MRTFB: variants seen among roughly 807,000 people sequenced by gnomAD.
MRTFB encodes myocardin related transcription factor B.
In MRTFB, 29 loss-of-function variants were observed where a neutral mutation model predicts 104.2. That is an observed-to-expected ratio of 0.28 (90% CI 0.21 to 0.38). The LOEUF (loss-of-function observed/expected upper bound fraction) is 0.38. Ranked by LOEUF, MRTFB falls within the 10% of genes least tolerant of loss-of-function variation. The probability of loss-of-function intolerance (pLI) is 1.00; values close to 1 mark genes in which losing one functional copy is unlikely to be tolerated. For synonymous variants in MRTFB, 535 were observed against 519.5 expected (o/e 1.03, Z -0.41); for missense variants, 1,270 against 1,341.6 (o/e 0.95, Z 0.83).
At chr16:14,172,018 A>C (rs1224390766) in intron 3 of MRTFB, among the ~76,000 whole-genome samples, 1 of 152,174 alleles carries the variant, frequency 6.6e-6, no homozygotes. Context: ...GTTGTCTTCT[A>C]TCCTAGCTAA....
Position 14,253,114 on chromosome 16 carries a change from A to G in MRTFB, c.2703+612A>G, listed in dbSNP as rs117580930. Reference sequence around the variant, plus strand: ...GACTGATAAAACAGAAGTAGCCCCAACCATACCAAGCAATGGAAGAAGTTA... The same window carrying G: ...GACTGATAAAACAGAAGTAGCCCCAGCCATACCAAGCAATGGAAGAAGTTA... On this transcript the variant is annotated intron_variant, in intron 15 of 16. Transcript: ENST00000571589. Among the ~76,000 whole-genome samples the G allele has an allele frequency of 1.4e-4, 21 of 152,282 alleles. No homozygotes were observed. In the East Asian group the frequency reaches 3.7e-3, roughly 27 times the overall value.
At position 14,261,971 on chromosome 16, in the gene MRTFB, G is replaced by A. The variant is rs1429754147; in HGVS notation, c.*527G>A. Reference sequence around the variant, plus strand: ...GCAGTGGAGAGCCTTGGCCAGTTCAGTGACAGCTTCTGGCTGAAGACTTTT... The same window carrying A: ...GCAGTGGAGAGCCTTGGCCAGTTCAATGACAGCTTCTGGCTGAAGACTTTT... On this transcript the variant is annotated 3_prime_UTR_variant, in exon 17 of 17. Coordinates refer to ENST00000571589, the MANE Select transcript of MRTFB (RefSeq NM_001308142.2). The A allele has an allele frequency of 6.6e-6, 1 of 152,338 alleles. No homozygotes were observed. The highest frequency in any genetic ancestry group is 2.4e-5 in the African/African-American group (1 of 41,472). 9.4% of individuals were successfully genotyped at this position (152,338 alleles called of 1,614,324 possible). A position where few individuals can be genotyped will look rare whatever the true frequency, so the allele number is the denominator to read the frequency against.
At chr16:14,222,482 C>A (rs2041776584) in intron 8 of MRTFB, among the ~76,000 whole-genome samples, 1 of 151,764 alleles carries the variant, frequency 6.6e-6, no homozygotes. Flanking sequence ...TATATTTGGC[C>A]CAAAACAATT....
Position 14,246,468 on chromosome 16 carries a change from T to C in MRTFB, c.1213-5T>C. ...CTAAGATATCTGCTTTGTTTGTACC[T>C]CCAGGTATCAGAACTGAAGACAGAA... On this transcript the variant is annotated splice_polypyrimidine_tract_variant and splice_region_variant and intron_variant, in intron 11 of 16. Coordinates refer to ENST00000571589, the MANE Select transcript of MRTFB (RefSeq NM_001308142.2). 6.2e-7 allele frequency: 1 copy of C among 1,612,710 alleles called. No homozygotes were observed. The highest frequency in any genetic ancestry group is 8.5e-7 in the Non-Finnish European group (1 of 1,178,964).
intron 3 of MRTFB, among the ~76,000 whole-genome samples, chr16:14,198,011 T>A (rs1369205267): frequency 6.6e-6 from 1 of 152,144 alleles, no homozygotes; most frequent in Non-Finnish European, 1.5e-5. Context: ...CCGCAATCCC[T>A]GGCAACCACC....
Position 14,258,167 on chromosome 16 carries a change from TCAAAAGTCA to T in MRTFB, c.2764+9_2764+17del, listed in dbSNP as rs747961509. ...TATCCTCATTAAGAGTGGAGGTAAG[TCAAAAGTCA>T]CATCAGATCCTCCCAGGAAGTCATC... On this transcript the variant is annotated splice_region_variant and intron_variant, in intron 16 of 16. Coordinates refer to ENST00000571589, the MANE Select transcript of MRTFB (RefSeq NM_001308142.2). 1.2e-6 allele frequency: 2 copies of T among 1,613,032 alleles called. No individual in the cohort carries two copies. Among genetic ancestry groups the T allele is most frequent in the Admixed American group, 1.7e-5 (1 of 60,008 alleles).
intron 3 of MRTFB, among the ~76,000 whole-genome samples, chr16:14,209,027 A>G (rs1222565557): frequency 1.3e-5 from 2 of 152,152 alleles, no homozygotes; most frequent in African/African-American, 2.4e-5. Context: ...ATATCAAACA[A>G]TGATAAAATA....
intron 2 of MRTFB, among the ~76,000 whole-genome samples, chr16:14,087,801 T>A (rs1567307376): frequency 6.6e-6 from 1 of 152,218 alleles, no homozygotes; most frequent in Non-Finnish European, 1.5e-5. Context: ...CTTTTTCTTT[T>A]ACCTTAAGAA....
chr16:14,110,695 C>T (rs1474519913), intron 2 of MRTFB, among the ~76,000 whole-genome samples: 2 of 152,126 alleles, frequency 1.3e-5, no homozygotes, highest in Non-Finnish European at 2.9e-5. Flanking sequence ...TCCATTTTTT[C>T]TCTAGGAAAT....
At chr16:14,156,457 A>G (rs535519640) in intron 3 of MRTFB, among the ~76,000 whole-genome samples, 3 of 152,330 alleles carry the variant, frequency 2.0e-5, no homozygotes, top group African/African-American at 7.2e-5. Context: ...ATTGTTGGTT[A>G]AAGACCAGGC....
At chr16:14,104,349 A>G (rs1028293598) in intron 2 of MRTFB, among the ~76,000 whole-genome samples, 4 of 152,172 alleles carry the variant, frequency 2.6e-5, no homozygotes, top group Non-Finnish European at 5.9e-5. Flanking sequence ...GCAACATGAC[A>G]TGGTCTCATT....
At chr16:14,068,359 C>T (rs2033543082), upstream of MRTFB, among the ~76,000 whole-genome samples, 1 of 152,172 alleles carries the variant, frequency 6.6e-6, no homozygotes, top group East Asian at 1.9e-4. Context: ...AACACTGAGG[C>T]ACTGGCCACC....
rs371426179 is a variant in MRTFB at position 14,140,603 on chromosome 16, C to T, written c.-4C>T. 60 of 1,613,966 alleles carry T rather than the reference C, an allele frequency of 3.7e-5. No homozygotes were observed. In the African/African-American group the frequency reaches 7.6e-4, roughly 20 times the overall value. On this transcript the variant is annotated 5_prime_UTR_variant, in exon 3 of 17. Coordinates refer to ENST00000571589, the MANE Select transcript of MRTFB (RefSeq NM_001308142.2). ...CACTCCCTGTTGCCAGTGGCTGGAA[C>T]ACAATGGATCACACAGGGGCGATAG... is the stretch of plus-strand genomic sequence containing the variant.
At position 14,218,864 on chromosome 16, in the gene MRTFB, T is replaced by A; in HGVS notation, c.559T>A (p.Phe187Ile). 6.2e-7 allele frequency: 1 copy of A among 1,613,538 alleles called. No individual in the cohort carries two copies. The highest frequency in any genetic ancestry group is 8.5e-7 in the Non-Finnish European group (1 of 1,179,696). Residue 187 changes from phenylalanine (F) to isoleucine (I), a missense_variant, in exon 8 of 17, where the codon TTT becomes ATT. Around this residue, in one of 3 missense-constraint regions of MRTFB, gnomAD observed 1,144 missense variants for 1,131.5 expected, o/e 1.01. Coordinates refer to ENST00000571589, the MANE Select transcript of MRTFB (RefSeq NM_001308142.2). ...TCCCCACACTCAGGGCGATTTCTCATTTGATGAAGACAGCAGTGACGCTTT... is the reference window on the plus strand; with the variant it reads ...TCCCCACACTCAGGGCGATTTCTCAATTGATGAAGACAGCAGTGACGCTTT... ...DYPHTQGDFS[F>I]DEDSSDALSP... is the part of the protein sequence containing the mutation.
intron 8 of MRTFB, among the ~76,000 whole-genome samples, chr16:14,226,889 A>G (rs1299439488): frequency 6.6e-6 from 1 of 152,034 alleles, no homozygotes; most frequent in Non-Finnish European, 1.5e-5. Flanking sequence ...AGCTGAGATG[A>G]GAGGATGACT....
intron 2 of MRTFB, among the ~76,000 whole-genome samples, chr16:14,133,595 A>G (rs2037554224): frequency 2.0e-5 from 3 of 151,908 alleles, no homozygotes; most frequent in Non-Finnish European, 4.4e-5. Flanking sequence ...TCTTTCGTTC[A>G]TCTCTTCCCT....
intron 3 of MRTFB, chr16:14,142,492 C>T (rs1424788691): frequency 1.3e-5 from 2 of 152,228 alleles, no homozygotes; most frequent in African/African-American, 4.8e-5. Flanking sequence ...TCGTGATCCA[C>T]CTACGTCGGC....
intron 3 of MRTFB, among the ~76,000 whole-genome samples, chr16:14,175,147 A>G (rs2150986221): frequency 6.6e-6 from 1 of 152,300 alleles, no homozygotes. Context: ...TGGGTTTAAA[A>G]AAAAACATAT....
intron 8 of MRTFB, among the ~76,000 whole-genome samples, chr16:14,227,005 A>T (rs1004720161): frequency 2.6e-5 from 4 of 152,096 alleles, no homozygotes; most frequent in Non-Finnish European, 5.9e-5. Context: ...ACAAGAAAAA[A>T]ACTTCAGTGC....
Sources: gnomAD v4.1 joint callset for allele counts (sites outside exome capture counted in the v4.1 genomes callset) on GRCh38, gnomAD v4.1.1 for gene constraint, gnomAD v4.1.1 regional missense constraint, MANE v1.5 for transcripts, NCBI Gene and HGNC (gene_info 2026-07-23, HGNC 2026-07-21) for gene names.